The following UBE2QL1 variants were observed in gnomAD, a reference collection of about 807,000 sequenced individuals.
UBE2QL1 encodes the protein ubiquitin conjugating enzyme E2 QL1, also known as ubiquitin-conjugating enzyme E2Q-like protein 1.
A neutral mutation model predicts 12.6 loss-of-function variants in UBE2QL1; 5 were observed. The observed-to-expected ratio is 0.40, with a 90% CI of 0.21 to 0.83. UBE2QL1 has a LOEUF of 0.83. Ranked by LOEUF, UBE2QL1 falls within the 40% of genes least tolerant of loss-of-function variation. The pLI is 0.37. For synonymous variants in UBE2QL1, 96 were observed against 94.5 expected (o/e 1.02, Z -0.10); for missense variants, 99 against 222.6 (o/e 0.44, Z 3.53).
intron 1 of UBE2QL1, among the ~76,000 whole-genome samples, chr5:6,468,830 C>A (rs1429431539): frequency 6.6e-6 from 1 of 152,168 alleles, no homozygotes; most frequent in Non-Finnish European, 1.5e-5. Flanking sequence ...ATACACCAGA[C>A]CAGTCACAAG....
intron 1 of UBE2QL1, among the ~76,000 whole-genome samples, chr5:6,449,840 C>A (rs1344947005): frequency 1.3e-5 from 2 of 150,512 alleles, no homozygotes; most frequent in African/African-American, 4.9e-5. Context: ...ATTTAAGTGT[C>A]CAACCTAGCT....
intron 1 of UBE2QL1, among the ~76,000 whole-genome samples, chr5:6,490,058 GC>G (rs1284139130): frequency 6.6e-6 from 1 of 152,222 alleles, no homozygotes; most frequent in Non-Finnish European, 1.5e-5. Context: ...AGGCATTTCT[GC>G]CCCATCTGCA....
intron 1 of UBE2QL1, among the ~76,000 whole-genome samples, chr5:6,482,188 C>A (rs1734376043): frequency 6.6e-6 from 1 of 152,208 alleles, no homozygotes; most frequent in African/African-American, 2.4e-5. Flanking sequence ...TGCTGGCAGC[C>A]CCTGAGCGCT....
chr5:6,453,732 C>CAG (rs1272593894), intron 1 of UBE2QL1, among the ~76,000 whole-genome samples: 2 of 140,142 alleles, frequency 1.4e-5, no homozygotes, highest in African/African-American at 5.3e-5. Flanking sequence ...CACACACACA[C>CAG]AGAGACATAC....
In UBE2QL1 at chr5:6,449,165, T is replaced by C. The variant is rs1739361107; in HGVS notation, c.272T>C (p.Leu91Pro). ...GACGGCGGCGCCATCTGCATGGAGC[T>C]GCTCACGCCGCGCGGCTGGTCCAGC... Reference protein sequence around the residue: ...VLDGGAICMELLTPRGWSSAY... With the variant: ...VLDGGAICMEPLTPRGWSSAY... Residue 91 changes from leucine (L) to proline (P), a missense_variant, in exon 1 of 2, where the codon CTG becomes CCG. Coordinates refer to ENST00000399816, the MANE Select transcript of UBE2QL1 (RefSeq NM_001145161.3). 1 of 1,530,464 alleles carries C rather than the reference T, an allele frequency of 6.5e-7. No homozygotes were observed. The highest frequency in any genetic ancestry group is 2.0e-5 in the Admixed American group (1 of 49,314). 94.8% of individuals were successfully genotyped at this position (1,530,464 alleles called of 1,614,324 possible).
Position 6,476,202 on chromosome 5 carries a change from C to G in UBE2QL1, c.355-15016C>G, listed in dbSNP as rs543885330. Among the ~76,000 whole-genome samples the G allele has an allele frequency of 6.6e-6, 1 of 151,976 alleles. No individual in the cohort carries two copies. Among genetic ancestry groups the G allele is most frequent in the Non-Finnish European group, 1.5e-5 (1 of 67,992 alleles). Reference sequence around the variant, plus strand: ...CCTGAGCAGGGAGGGGGTGGGGTCCCGATGTTTGTGCAGAGGAGACACCTC... The same window carrying G: ...CCTGAGCAGGGAGGGGGTGGGGTCCGGATGTTTGTGCAGAGGAGACACCTC... On this transcript the variant is annotated intron_variant, in intron 1 of 1. Transcript: ENST00000399816. The surrounding 1 kb of genome is among the most constrained non-coding windows in gnomAD (Gnocchi z 4.9).
intron 1 of UBE2QL1, among the ~76,000 whole-genome samples, chr5:6,461,540 A>ACCCCCCCCCCCCCCCCCCCCCC (rs71606052): frequency 8.6e-5 from 4 of 46,774 alleles, no homozygotes; most frequent in Admixed American, 2.5e-4. Flanking sequence ...TTCAGCACCC[A>ACCCCCCCCCCCCCCCCCCCCCC]CCACCCCCCC....
intron 1 of UBE2QL1, among the ~76,000 whole-genome samples, chr5:6,463,916 C>T (rs1163048984): frequency 2.6e-5 from 4 of 151,994 alleles, no homozygotes; most frequent in South Asian, 2.1e-4. Context: ...CATGAGCCAC[C>T]GCGCCCAGCC....
intron 1 of UBE2QL1, among the ~76,000 whole-genome samples, chr5:6,465,882 C>A (rs1739777368): frequency 6.6e-6 from 1 of 152,220 alleles, no homozygotes; most frequent in Admixed American, 6.5e-5. Flanking sequence ...TCCACGTTTG[C>A]TTTTTACCCC....
intron 1 of UBE2QL1, among the ~76,000 whole-genome samples, chr5:6,480,808 C>A (rs766673382): frequency 6.6e-6 from 1 of 152,086 alleles, no homozygotes. Context: ...AAAGTATACA[C>A]GAAACCGATG....
intron 1 of UBE2QL1, among the ~76,000 whole-genome samples, chr5:6,484,693 A>G (rs922369672): frequency 5.3e-5 from 8 of 151,778 alleles, no homozygotes; most frequent in Non-Finnish European, 1.0e-4. Context: ...AAACCTCAAC[A>G]TGACCTCACT....
intron 1 of UBE2QL1, among the ~76,000 whole-genome samples, chr5:6,468,276 C>T (rs888647504): frequency 1.3e-5 from 2 of 152,142 alleles, no homozygotes; most frequent in Admixed American, 6.5e-5. Flanking sequence ...TTTGGAGCAT[C>T]GCCTCACCAC....
rs1237145696 is a variant in UBE2QL1 at position 6,478,119 on chromosome 5, A to G, written c.355-13099A>G. Among the ~76,000 whole-genome samples, 4 of 152,194 alleles carry G rather than the reference A, an allele frequency of 2.6e-5. No homozygotes were observed. Among genetic ancestry groups the G allele is most frequent in the Non-Finnish European group, 5.9e-5 (4 of 68,030 alleles). ...CTGTGCTTTATTGCAAAAACAGACT[A>G]TTTGAGAAAGTAACCTATCTTTTAT... On this transcript the variant is annotated intron_variant, in intron 1 of 1. Transcript: ENST00000399816. This position sits in a 1 kb window ranked among gnomAD's most constrained non-coding sequence, Gnocchi z 4.5.
Position 6,494,353 on chromosome 5 carries a change from T to C in UBE2QL1, c.*3004T>C, listed in dbSNP as rs1734629857. On this transcript the variant is annotated 3_prime_UTR_variant, in exon 2 of 2. Coordinates refer to ENST00000399816, the MANE Select transcript of UBE2QL1 (RefSeq NM_001145161.3). The stretch of plus-strand genomic sequence containing the variant: ...AATACTCCTGCAAAGACTTGCTGTT[T>C]CTAAAATCCACTACTCAGAAAAACC... 1 of 152,224 alleles carries C rather than the reference T, an allele frequency of 6.6e-6. No individual in the cohort carries two copies. The highest frequency in any genetic ancestry group is 6.5e-5 in the Admixed American group (1 of 15,282). 9.4% of individuals were successfully genotyped at this position (152,224 alleles called of 1,614,324 possible). A position where few individuals can be genotyped will look rare whatever the true frequency, so the allele number is the denominator to read the frequency against.
intron 1 of UBE2QL1, among the ~76,000 whole-genome samples, chr5:6,449,854 C>T (rs1277241797): frequency 2.2e-5 from 3 of 135,152 alleles, no homozygotes; most frequent in Admixed American, 8.3e-5. Flanking sequence ...CCTAGCTGAT[C>T]TCCCACCTCC....
At position 6,495,251 on chromosome 5, in the gene UBE2QL1, G is replaced by A. The variant is rs957166654; in HGVS notation, c.*3902G>A. ...AAGCAGGACACGGTCCCACCTGACA[G>A]CCTAGCCTGGCGTGTGGAGCTTGCC... On this transcript the variant is annotated 3_prime_UTR_variant, in exon 2 of 2. Transcript: ENST00000399816. Among the ~76,000 whole-genome samples, 1 of 152,196 alleles carries A rather than the reference G, an allele frequency of 6.6e-6. No homozygotes were observed. The highest frequency in any genetic ancestry group is 2.4e-5 in the African/African-American group (1 of 41,452).
intron 1 of UBE2QL1, among the ~76,000 whole-genome samples, chr5:6,454,227 G>A (rs1215937346): frequency 6.6e-6 from 1 of 152,136 alleles, no homozygotes; most frequent in African/African-American, 2.4e-5. Context: ...GGTTGCTGGG[G>A]CTGCCATAAC....
intron 1 of UBE2QL1, among the ~76,000 whole-genome samples, chr5:6,483,300 G>C (rs372868942): frequency 2.0e-5 from 3 of 152,176 alleles, no homozygotes; most frequent in Admixed American, 1.3e-4. Flanking sequence ...TTAACAGGGC[G>C]TGGTGGTGCA....
At position 6,481,273 on chromosome 5, in the gene UBE2QL1, C is replaced by G. The variant is rs140524014; in HGVS notation, c.355-9945C>G. 6.6e-6 allele frequency among the ~76,000 whole-genome samples: 1 copy of G among 152,216 alleles called. No individual in the cohort carries two copies. The highest frequency in any genetic ancestry group is 1.5e-5 in the Non-Finnish European group (1 of 68,048). On this transcript the variant is annotated intron_variant, in intron 1 of 1. Transcript: ENST00000399816. The surrounding 1 kb of genome is among the most constrained non-coding windows in gnomAD (Gnocchi z 4.5). ...ACCCCACAGCCTGCTCCTAAGACAGCGTCTCTCTCTGCAGGCCTGGCCCCG... is the reference window on the plus strand; with the variant it reads ...ACCCCACAGCCTGCTCCTAAGACAGGGTCTCTCTCTGCAGGCCTGGCCCCG...
Sources: allele counts gnomAD v4.1 joint callset (sites outside exome capture counted in the v4.1 genomes callset), GRCh38; gene constraint gnomAD v4.1.1; non-coding constraint Gnocchi (gnomAD v3.1); transcripts MANE v1.5; gene names NCBI Gene and HGNC (gene_info 2026-07-23, HGNC 2026-07-21).